RBMS3: variants seen among roughly 807,000 people sequenced by gnomAD.
The protein encoded by RBMS3 is RNA-binding motif, single-stranded-interacting protein 3.
A neutral mutation model predicts 66.8 loss-of-function variants in RBMS3; 27 were observed. The ratio of observed to expected loss-of-function variants is 0.40; its 90% CI spans 0.30 to 0.56. The LOEUF (loss-of-function observed/expected upper bound fraction) is 0.56, where lower values mean the gene tolerates loss of function less well. Among genes scored for constraint, RBMS3 ranks in the 20% least tolerant of loss-of-function variants. RBMS3 has a pLI of 0.40. For missense variants in RBMS3, 513 were observed against 549.5 expected (o/e 0.93, Z 0.66); for synonymous variants, 188 against 183.0 (o/e 1.03, Z -0.22).
chr3:29,772,275 T>C (rs909013261), intron 6 of RBMS3, among the ~76,000 whole-genome samples: 1 of 152,022 alleles, frequency 6.6e-6, no homozygotes, highest in Non-Finnish European at 1.5e-5. Flanking sequence ...TGTGAGATAA[T>C]AAGTTTATGT....
At chr3:29,886,594 G>C (rs1421998355) in intron 8 of RBMS3, among the ~76,000 whole-genome samples, 1 of 151,852 alleles carries the variant, frequency 6.6e-6, no homozygotes, top group Non-Finnish European at 1.5e-5. Context: ...AAGTTTTACT[G>C]GGGTGAAAGT....
At chr3:29,532,672 T>C (rs1289210489) in intron 3 of RBMS3, among the ~76,000 whole-genome samples, 1 of 152,086 alleles carries the variant, frequency 6.6e-6, no homozygotes, top group Non-Finnish European at 1.5e-5. Context: ...CAGGTTACAA[T>C]GAGCTATGAT....
chr3:29,481,724 A>G (rs2043135507), intron 2 of RBMS3, among the ~76,000 whole-genome samples: 1 of 152,198 alleles, frequency 6.6e-6, no homozygotes, highest in African/African-American at 2.4e-5. Flanking sequence ...GAAAGCATAA[A>G]TGCTAAATCA....
intron 1 of RBMS3, among the ~76,000 whole-genome samples, chr3:29,328,759 T>C (rs542005643): frequency 3.3e-5 from 5 of 152,302 alleles, no homozygotes; most frequent in Admixed American, 2.0e-4. Context: ...ACTGCTTACT[T>C]GGCAAACCTT....
intron 6 of RBMS3, among the ~76,000 whole-genome samples, chr3:29,863,664 G>T (rs2149539063): frequency 6.6e-6 from 1 of 152,188 alleles, no homozygotes; most frequent in South Asian, 2.1e-4. Flanking sequence ...AGAGATCTTA[G>T]TTGAAAGCTA....
intron 11 of RBMS3, among the ~76,000 whole-genome samples, chr3:29,937,462 A>G (rs1226945025): frequency 2.0e-5 from 3 of 152,050 alleles, no homozygotes; most frequent in Non-Finnish European, 4.4e-5. Flanking sequence ...AGTTACTGGC[A>G]TGTCCACTGA....
intron 10 of RBMS3, among the ~76,000 whole-genome samples, chr3:29,931,376 C>G (rs190003629): frequency 6.6e-6 from 1 of 152,208 alleles, no homozygotes; most frequent in African/African-American, 2.4e-5. Context: ...TCTGGCTTAC[C>G]ATGTAATTCA....
At chr3:29,413,237 G>A (rs1006315892) in intron 1 of RBMS3, among the ~76,000 whole-genome samples, 5 of 152,110 alleles carry the variant, frequency 3.3e-5, no homozygotes, top group African/African-American at 1.2e-4. Context: ...GGATGTGGTG[G>A]TGTGCACCTG....
At chr3:29,587,499 C>A (rs529201664) in intron 4 of RBMS3, among the ~76,000 whole-genome samples, 1 of 151,612 alleles carries the variant, frequency 6.6e-6, no homozygotes, top group African/African-American at 2.4e-5. Flanking sequence ...TTATGGTAAC[C>A]TCATTAGAGA....
At chr3:29,751,266 A>G (rs957835166) in intron 5 of RBMS3, among the ~76,000 whole-genome samples, 5 of 152,220 alleles carry the variant, frequency 3.3e-5, no homozygotes, top group Non-Finnish European at 7.4e-5. Flanking sequence ...TATCAATACT[A>G]AAGCTAATTT....
intron 1 of RBMS3, among the ~76,000 whole-genome samples, chr3:29,342,042 T>A (rs943538321): frequency 6.6e-6 from 1 of 152,148 alleles, no homozygotes; most frequent in Non-Finnish European, 1.5e-5. Context: ...GAGATACAGT[T>A]GGAGTAGCTG....
intron 6 of RBMS3, among the ~76,000 whole-genome samples, chr3:29,780,093 A>G (rs2056575359): frequency 1.3e-5 from 2 of 151,972 alleles, no homozygotes; most frequent in Admixed American, 6.6e-5. Flanking sequence ...GGTATTTCCA[A>G]GCAGAAATAG....
At chr3:29,594,925 A>T (rs1049341555) in intron 4 of RBMS3, among the ~76,000 whole-genome samples, 4 of 152,166 alleles carry the variant, frequency 2.6e-5, no homozygotes, top group African/African-American at 9.7e-5. Flanking sequence ...GGACTCTACT[A>T]TGTCATCTTA....
chr3:29,783,481 A>G (rs1169791221), intron 6 of RBMS3, among the ~76,000 whole-genome samples: 1 of 152,170 alleles, frequency 6.6e-6, no homozygotes, highest in Non-Finnish European at 1.5e-5. Flanking sequence ...AGTCTTTTCC[A>G]GACAAACAAA....
chr3:29,497,973 ATTTTTTTTTTTTTTTTTTTTTT>A (rs779555263), intron 3 of RBMS3, among the ~76,000 whole-genome samples: 48 of 43,438 alleles, frequency 1.1e-3, no homozygotes, highest in African/African-American at 1.8e-3. Flanking sequence ...AAAAGTATTC[ATTTTTTTTTTTTTTTTTTTTTT>A]TTTTTTTTTT....
At chr3:29,472,581 C>T (rs1307615352) in intron 2 of RBMS3, among the ~76,000 whole-genome samples, 1 of 151,876 alleles carries the variant, frequency 6.6e-6, no homozygotes, top group African/African-American at 2.4e-5. Flanking sequence ...CGGATGTGTT[C>T]GGAGTTTCTT....
intron 3 of RBMS3, among the ~76,000 whole-genome samples, chr3:29,559,275 TA>T (rs947860868): frequency 6.6e-6 from 1 of 151,876 alleles, no homozygotes; most frequent in African/African-American, 2.4e-5. Context: ...GTCTTCTTGG[TA>T]AAGCTCCTAC....
At position 29,344,883 on chromosome 3, in the gene RBMS3, CAG is replaced by C. The variant is rs559738777; in HGVS notation, c.75+63128_75+63129del. ...CCATAAGGAACTTCTTCAGAAAAGA[CAG>C]TGTGTAGACAGTCCCAGTGGCTGTC... On this transcript the variant is annotated intron_variant, in intron 1 of 14. Transcript: ENST00000383767. Among the ~76,000 whole-genome samples the C allele has an allele frequency of 2.0e-5, 3 of 152,278 alleles. No individual in the cohort carries two copies. The East Asian group carries it at 5.8e-4, about 29-fold the overall frequency.
At chr3:29,437,714 A>G (rs953903688) in intron 2 of RBMS3, among the ~76,000 whole-genome samples, 1 of 152,242 alleles carries the variant, frequency 6.6e-6, no homozygotes, top group Non-Finnish European at 1.5e-5. Context: ...TGGCTATGCT[A>G]TCAACTGAGT....
Sources: allele counts gnomAD v4.1 joint callset (sites outside exome capture counted in the v4.1 genomes callset), GRCh38; gene constraint gnomAD v4.1.1; transcripts MANE v1.5; gene names NCBI Gene and HGNC (gene_info 2026-07-23, HGNC 2026-07-21).